The following MTAP variants were observed in gnomAD, a reference collection of about 807,000 sequenced individuals.
The protein encoded by MTAP is methylthioadenosine phosphorylase, also known as S-methyl-5'-thioadenosine phosphorylase.
Under a neutral mutation model 33.6 loss-of-function variants are expected in MTAP, and 33 were observed. The ratio of observed to expected loss-of-function variants is 0.98; its 90% CI spans 0.74 to 1.31. MTAP has a LOEUF of 1.31. Among genes scored for constraint, MTAP ranks in the 40% most tolerant of loss-of-function variants. The pLI is 0.00. For missense variants in MTAP, 367 were observed against 360.0 expected, an observed-to-expected ratio of 1.02 and a Z score of -0.16; for synonymous variants, 148 against 125.7, an observed-to-expected ratio of 1.18 and a Z score of -1.19.
At chr9:21,874,304 A>G in intron 1 of MTAP, among the ~76,000 whole-genome samples, 1 of 152,338 alleles carries the variant, frequency 6.6e-6, no homozygotes, top group East Asian at 1.9e-4. Context: ...TCATCTATGA[A>G]TATTTCCATG....
chr9:21,925,835 G>C (rs1354740385), intron 1 of MTAP, among the ~76,000 whole-genome samples: 1 of 152,174 alleles, frequency 6.6e-6, no homozygotes, highest in Non-Finnish European at 1.5e-5. Context: ...AGGACTATAA[G>C]TTTTCTTTGG....
At chr9:21,884,157 G>C (rs1818067958) in intron 1 of MTAP, among the ~76,000 whole-genome samples, 1 of 152,134 alleles carries the variant, frequency 6.6e-6, no homozygotes, top group Non-Finnish European at 1.5e-5. Context: ...ATTAGTTGTA[G>C]ACCATATATT....
At chr9:21,812,023 C>T (rs914447964) in intron 1 of MTAP, 4 of 264,480 alleles carry the variant, frequency 1.5e-5, no homozygotes, top group East Asian at 1.0e-4. Flanking sequence ...GCTACCATTA[C>T]GTAGCAACCA....
At chr9:21,849,449 C>G (rs1324065319) in intron 5 of MTAP, among the ~76,000 whole-genome samples, 1 of 152,080 alleles carries the variant, frequency 6.6e-6, no homozygotes, top group Non-Finnish European at 1.5e-5. Context: ...TGCAGTGGGT[C>G]TTATGGGTGC....
chr9:21,853,464 T>G (rs1825563637), intron 5 of MTAP, among the ~76,000 whole-genome samples: 1 of 152,240 alleles, frequency 6.6e-6, no homozygotes, highest in South Asian at 2.1e-4. Flanking sequence ...TTGCCAAGAC[T>G]CTTGTGAAAA....
At position 21,863,451 on chromosome 9, in the gene MTAP, C is replaced by CA. The variant is rs1825793067; in HGVS notation, c.*1443dup. On this transcript the variant is annotated 3_prime_UTR_variant, in exon 8 of 8. Transcript: ENST00000644715. ...TGAAACTCCGTCTCTACTAAAAATA[C>CA]AAAAAATTAGCTGGGCGTGGTGGTG... 1.7e-6 allele frequency: 1 copy of CA among 589,330 alleles called. No homozygotes were observed. Among genetic ancestry groups the CA allele is most frequent in the Admixed American group, 6.4e-5 (1 of 15,732 alleles). 36.5% of individuals were successfully genotyped at this position (589,330 alleles called of 1,614,324 possible).
chr9:21,916,846 A>T (rs996743271), intron 1 of MTAP, among the ~76,000 whole-genome samples: 28 of 152,116 alleles, frequency 1.8e-4, no homozygotes, highest in African/African-American at 6.5e-4. Flanking sequence ...AAGAAAAAAA[A>T]ATCTGTTGCT....
At chr9:21,923,536 G>A (rs932490258) in intron 1 of MTAP, among the ~76,000 whole-genome samples, 4 of 152,156 alleles carry the variant, frequency 2.6e-5, no homozygotes, top group Non-Finnish European at 4.4e-5. Flanking sequence ...GCATATGAAG[G>A]TTTTCCGTCA....
At chr9:21,832,738 C>A (rs7874202) in intron 4 of MTAP, among the ~76,000 whole-genome samples, 172 of 152,328 alleles carry the variant, frequency 1.1e-3, no homozygotes, top group African/African-American at 4.1e-3. Flanking sequence ...AAATCCTACA[C>A]TACCAGTTTT....
chr9:21,872,552 T>C (rs1825953008), intron 1 of MTAP, among the ~76,000 whole-genome samples: 1 of 152,244 alleles, frequency 6.6e-6, no homozygotes, highest in African/African-American at 2.4e-5. Flanking sequence ...ATCAGTGTTA[T>C]ATACAAACCT....
At chr9:21,923,762 T>G (rs1818824346) in intron 1 of MTAP, among the ~76,000 whole-genome samples, 1 of 151,980 alleles carries the variant, frequency 6.6e-6, no homozygotes, top group African/African-American at 2.4e-5. Flanking sequence ...AGCAGTTGGC[T>G]GAAAAACAAG....
downstream of MTAP, among the ~76,000 whole-genome samples, chr9:21,870,117 C>T (rs1211172852): frequency 1.3e-5 from 2 of 152,168 alleles, no homozygotes; most frequent in African/African-American, 4.8e-5. Context: ...ACAGCAGCTC[C>T]TTCAGATCTT....
At chr9:21,811,859 G>T in intron 1 of MTAP, 1 of 436,708 alleles carries the variant, frequency 2.3e-6, no homozygotes, top group South Asian at 1.8e-5. Flanking sequence ...AGTGAAGGTG[G>T]CCGGACATCT....
downstream of MTAP, chr9:21,934,495 CA>C (rs546516831): frequency 1.4e-4 from 22 of 152,168 alleles, no homozygotes; most frequent in Admixed American, 1.1e-3. This position sits in a 1 kb window ranked among gnomAD's most constrained non-coding sequence, Gnocchi z 5.0. Flanking sequence ...AAATATAATA[CA>C]TACATACAGT....
intron 4 of MTAP, among the ~76,000 whole-genome samples, chr9:21,830,354 A>G (rs1489784972): frequency 6.6e-6 from 1 of 152,208 alleles, no homozygotes; most frequent in Non-Finnish European, 1.5e-5. Flanking sequence ...AACTTTGTCT[A>G]GGAGGCTTGT....
chr9:21,845,933 C>T (rs796982943), intron 5 of MTAP, among the ~76,000 whole-genome samples: 3 of 152,228 alleles, frequency 2.0e-5, no homozygotes, highest in African/African-American at 7.2e-5. Flanking sequence ...ACCAGTGGAA[C>T]AGAATAGAGT....
intron 4 of MTAP, among the ~76,000 whole-genome samples, chr9:21,822,929 T>G (rs1824683604): frequency 6.6e-6 from 1 of 152,256 alleles, no homozygotes; most frequent in Admixed American, 6.5e-5. Context: ...AAGTCTGTTT[T>G]ATCAGAGACT....
At chr9:21,855,624 C>A (rs1825624637) in intron 6 of MTAP, among the ~76,000 whole-genome samples, 1 of 152,048 alleles carries the variant, frequency 6.6e-6, no homozygotes, top group Non-Finnish European at 1.5e-5. Flanking sequence ...GATGGAAGGA[C>A]AGTGAGGGGT....
At chr9:21,896,734 A>C (rs1270567710) in intron 1 of MTAP, among the ~76,000 whole-genome samples, 1 of 152,202 alleles carries the variant, frequency 6.6e-6, no homozygotes, top group African/African-American at 2.4e-5. Context: ...AATTGAGGCA[A>C]TAATTAACAC....
Sources: gnomAD v4.1 joint callset for allele counts (sites outside exome capture counted in the v4.1 genomes callset) on GRCh38, gnomAD v4.1.1 for gene constraint, Gnocchi (gnomAD v3.1) non-coding constraint, MANE v1.5 for transcripts, NCBI Gene and HGNC (gene_info 2026-07-23, HGNC 2026-07-21) for gene names.